PCSK1: variants seen among roughly 807,000 people sequenced by gnomAD.
PCSK1 encodes neuroendocrine convertase 1.
PCSK1 carries 56 observed loss-of-function variants against 90.6 expected under a neutral mutation model. That is an observed-to-expected ratio of 0.62 (90% CI 0.50 to 0.77). PCSK1 has a LOEUF of 0.77. PCSK1 is among the 30% of genes least tolerant of loss of function. The probability of loss-of-function intolerance (pLI) is 0.00; values close to 1 mark genes in which losing one functional copy is unlikely to be tolerated. For missense variants in PCSK1, 801 were observed against 932.6 expected (o/e 0.86, Z 1.84); for synonymous variants, 348 against 342.4 (o/e 1.02, Z -0.18).
intron 10 of PCSK1, among the ~76,000 whole-genome samples, chr5:96,399,632 ATAGT>A (rs916016161): frequency 6.6e-6 from 1 of 152,240 alleles, no homozygotes; most frequent in African/African-American, 2.4e-5. Flanking sequence ...TTTTAAAAAA[ATAGT>A]TAAACATTGA....
intron 9 of PCSK1, among the ~76,000 whole-genome samples, chr5:96,403,173 G>A (rs1760442394): frequency 6.6e-6 from 1 of 152,116 alleles, no homozygotes; most frequent in African/African-American, 2.4e-5. Flanking sequence ...ATATGCAGTT[G>A]CAGGTTATTT....
Position 96,431,971 on chromosome 5 carries a change from T to C in PCSK1, c.180+892A>G, listed in dbSNP as rs1447258411. ...CTCGGAATCGCTCAGCTATAAGCAG[T>C]CTCCCACTTAATGTCTTGACGCCCA... is the stretch of plus-strand genomic sequence containing the variant. On this transcript the variant is annotated intron_variant, in intron 1 of 13. Coordinates refer to ENST00000311106, the MANE Select transcript of PCSK1 (RefSeq NM_000439.5). The C allele has an allele frequency of 5.4e-6, 4 of 734,106 alleles. No individual in the cohort carries two copies. The Admixed American group carries it at 6.0e-5, about 11-fold the overall frequency. The allele number at this position is 734,106 out of a possible 1,614,324, so 45.5% of individuals were successfully genotyped here.
intron 1 of PCSK1, 57 bp downstream of exon 1, chr5:96,432,806 C>G: frequency 6.9e-7 from 1 of 1,458,604 alleles, no homozygotes; most frequent in East Asian, 2.3e-5. Context: ...AGACCGCGCT[C>G]CAGTCCCGCC....
chr5:96,429,464 A>C (rs2112450587), intron 1 of PCSK1, 147 bp from the exon 2 acceptor site: 1 of 611,792 alleles, frequency 1.6e-6, no homozygotes, highest in South Asian at 2.0e-5. Context: ...CTTTTTTTAA[A>C]CTTTTAAGTT....
chr5:96,400,876 A>G (rs1463344642), intron 9 of PCSK1, among the ~76,000 whole-genome samples: 1 of 151,556 alleles, frequency 6.6e-6, no homozygotes, highest in African/African-American at 2.4e-5. Context: ...TCACAAGGTC[A>G]GGAGATCGAG....
intron 8 of PCSK1, 103 bp downstream of exon 8, chr5:96,410,671 G>A (rs1167094089): frequency 2.3e-5 from 22 of 965,304 alleles, no homozygotes; most frequent in Non-Finnish European, 3.5e-5. Context: ...GAGACATCAA[G>A]CTTAAGCGAA....
At chr5:96,425,259 T>A (rs1761270730) in intron 3 of PCSK1, among the ~76,000 whole-genome samples, 1 of 152,132 alleles carries the variant, frequency 6.6e-6, no homozygotes, top group Admixed American at 6.5e-5. Context: ...ACCCTGCAGG[T>A]AGACAGCAAC....
At position 96,391,634 on chromosome 5, in the gene PCSK1, T is replaced by C. The variant is rs938579897; in HGVS notation, c.*1367A>G. On this transcript the variant is annotated 3_prime_UTR_variant, in exon 14 of 14. Transcript: ENST00000311106. ...AGGAGTGGGCAAAATCAAATGCCTA[T>C]TGGATACTGCCCAGCAAGGAATCAA... The C allele has an allele frequency of 6.6e-6, 1 of 152,210 alleles. No homozygotes were observed. Among genetic ancestry groups the C allele is most frequent in the Non-Finnish European group, 1.5e-5 (1 of 68,052 alleles). The allele number at this position is 152,210 out of a possible 1,614,324, so 9.4% of individuals were successfully genotyped here. A position where few individuals can be genotyped will look rare whatever the true frequency, so the allele number is the denominator to read the frequency against.
chr5:96,415,103 T>A lies in PCSK1; in HGVS notation c.709+930A>T, dbSNP rs1025207355. ...TATAACATAACATGAAAGCCTGAGG[T>A]TGGGATAGCATAAAGAGGAGAGACA... On this transcript the variant is annotated intron_variant, in intron 6 of 13. Transcript: ENST00000311106. Among the ~76,000 whole-genome samples the A allele has an allele frequency of 4.6e-5, 7 of 152,128 alleles. No homozygotes were observed. The East Asian group carries it at 1.3e-3, about 29-fold the overall frequency.
chr5:96,420,365 A>G (rs1253657348), intron 5 of PCSK1, among the ~76,000 whole-genome samples: 1 of 152,140 alleles, frequency 6.6e-6, no homozygotes, highest in Non-Finnish European at 1.5e-5. Context: ...CATATAGCAA[A>G]AAGTTTGTCT....
chr5:96,419,649 T>C (rs1761057830), intron 5 of PCSK1, among the ~76,000 whole-genome samples: 1 of 151,896 alleles, frequency 6.6e-6, no homozygotes. Context: ...CTCTCAATGC[T>C]GTGTGGAAGA....
chr5:96,430,373 T>C (rs1265472034), intron 1 of PCSK1, among the ~76,000 whole-genome samples: 3 of 152,220 alleles, frequency 2.0e-5, no homozygotes, highest in African/African-American at 4.8e-5. Flanking sequence ...GTTCTTTAAA[T>C]TGGTGATTCT....
intron 5 of PCSK1, among the ~76,000 whole-genome samples, chr5:96,418,616 A>T (rs1463802123): frequency 6.6e-6 from 1 of 152,236 alleles, no homozygotes; most frequent in Non-Finnish European, 1.5e-5. Context: ...GTTTGAAGAG[A>T]TAATAACCTT....
chr5:96,421,364 G>A (rs1218445050), intron 5 of PCSK1, among the ~76,000 whole-genome samples: 4 of 149,512 alleles, frequency 2.7e-5, no homozygotes, highest in Non-Finnish European at 4.4e-5. Flanking sequence ...CCTGGAGACT[G>A]TGTTGGATTC....
In PCSK1 at chr5:96,421,915, A is replaced by C. The variant is rs776778371; in HGVS notation, c.585T>G (p.Asp195Glu). The change falls in exon 5 of 14, where the codon GAT (aspartate) becomes GAG (glutamate). Residue 195 changes from aspartate (D) to glutamate (E), a missense_variant. By Grantham distance (45) the Asp-to-Glu change is conservative (BLOSUM62 2). Coordinates refer to ENST00000311106, the MANE Select transcript of PCSK1 (RefSeq NM_000439.5). ...TTGTGGGATCATATCGGGGAAATGG[A>C]TCATGGTCATTATCATTAAAATCAT... Reference protein sequence around the residue: ...ASYDFNDNDHDPFPRYDPTNE... With the variant: ...ASYDFNDNDHEPFPRYDPTNE... 1.3e-6 allele frequency: 2 copies of C among 1,576,484 alleles called. No homozygotes were observed. Among genetic ancestry groups the C allele is most frequent in the Non-Finnish European group, 1.7e-6 (2 of 1,150,954 alleles).
At chr5:96,405,000 C>T (rs1476987864) in intron 9 of PCSK1, among the ~76,000 whole-genome samples, 5 of 152,120 alleles carry the variant, frequency 3.3e-5, no homozygotes, top group African/African-American at 1.2e-4. Context: ...TGGGATGGCA[C>T]ATGATTAAAT....
At chr5:96,425,569 ATAAACT>A (rs1392212648) in intron 3 of PCSK1, among the ~76,000 whole-genome samples, 1 of 152,232 alleles carries the variant, frequency 6.6e-6, no homozygotes, top group Non-Finnish European at 1.5e-5. Flanking sequence ...TTTATCCCAA[ATAAACT>A]TAAGAAGACA....
rs1256739305 is a variant in PCSK1, at chr5:96,391,546, C to T, written c.*1455G>A. 2 of 152,212 alleles carry T rather than the reference C, an allele frequency of 1.3e-5. No homozygotes were observed. Among genetic ancestry groups the T allele is most frequent in the African/African-American group, 2.4e-5 (1 of 41,462 alleles). The allele number at this position is 152,212 out of a possible 1,614,324, so 9.4% of individuals were successfully genotyped here. A position where few individuals can be genotyped will look rare whatever the true frequency, so the allele number is the denominator to read the frequency against. Reference sequence around the variant, plus strand: ...TTATTATTGTACAGATCCTGCCTAACAGAAGATGCGGGTAGTTTGTTTTTC... The same window carrying T: ...TTATTATTGTACAGATCCTGCCTAATAGAAGATGCGGGTAGTTTGTTTTTC... On this transcript the variant is annotated 3_prime_UTR_variant, in exon 14 of 14. Coordinates refer to ENST00000311106, the MANE Select transcript of PCSK1 (RefSeq NM_000439.5).
chr5:96,433,189 G>A lies in PCSK1; in HGVS notation c.-147C>T. ...TGCTCTGCGAAGAGCTAGGAGGCGC[G>A]AGAGGAGAGGCTGGGCGGCGGCGAG... On this transcript the variant is annotated 5_prime_UTR_variant, in exon 1 of 14. Transcript: ENST00000311106. 1 of 766,060 alleles carries A rather than the reference G, an allele frequency of 1.3e-6. No homozygotes were observed. The highest frequency in any genetic ancestry group is 2.2e-6 in the Non-Finnish European group (1 of 445,188). 47.5% of individuals were successfully genotyped at this position (766,060 alleles called of 1,614,324 possible).
Sources: allele counts gnomAD v4.1 joint callset (sites outside exome capture counted in the v4.1 genomes callset), GRCh38; gene constraint gnomAD v4.1.1; transcripts MANE v1.5; gene names NCBI Gene and HGNC (gene_info 2026-07-23, HGNC 2026-07-21).